Variants in PKHD1 observed in about 807,000 individuals in gnomAD.
PKHD1 encodes the protein fibrocystin.
In PKHD1, 291 loss-of-function variants were observed where a neutral mutation model predicts 412.0. The observed-to-expected ratio is 0.71, with a 90% CI of 0.64 to 0.78. PKHD1 has a LOEUF of 0.78. Among genes scored for constraint, PKHD1 ranks in the 30% least tolerant of loss-of-function variants. The probability of loss-of-function intolerance (pLI) is 0.00; values close to 1 mark genes in which losing one functional copy is unlikely to be tolerated. For missense variants in PKHD1, 4,825 were observed against 4,950.7 expected (o/e 0.97, Z 0.76); for synonymous variants, 1,777 against 1,821.5 (o/e 0.98, Z 0.62).
chr6:51,720,783 GTGTATA>G (rs777922433), intron 60 of PKHD1: 298 of 122,524 alleles, frequency 2.4e-3, no homozygotes, highest in East Asian at 7.5e-3. Flanking sequence ...GTGTGTGTGT[GTGTATA>G]TATATACAAT....
chr6:51,841,308 G>A (rs993143247), intron 50 of PKHD1, among the ~76,000 whole-genome samples: 5 of 152,188 alleles, frequency 3.3e-5, no homozygotes, highest in African/African-American at 7.2e-5. Flanking sequence ...TCAGCATTGC[G>A]GAGCATTAAC....
chr6:51,906,696 G>A (rs1782154282), intron 40 of PKHD1, among the ~76,000 whole-genome samples: 1 of 152,170 alleles, frequency 6.6e-6, no homozygotes, highest in Non-Finnish European at 1.5e-5. Context: ...AGGATAACGT[G>A]AAGAGCACTG....
chr6:51,964,634 T>C (rs368363812), intron 35 of PKHD1, among the ~76,000 whole-genome samples: 1 of 152,162 alleles, frequency 6.6e-6, no homozygotes, highest in East Asian at 1.9e-4. Context: ...AAAAATATGT[T>C]TGAATGAATA....
At chr6:52,040,092 G>A (rs1804602657) in intron 27 of PKHD1, among the ~76,000 whole-genome samples, 1 of 152,060 alleles carries the variant, frequency 6.6e-6, no homozygotes, top group Non-Finnish European at 1.5e-5. Context: ...TGGTTACCAG[G>A]GATTGGGAAG....
intron 43 of PKHD1, among the ~76,000 whole-genome samples, chr6:51,898,350 A>C (rs1780515979): frequency 6.8e-6 from 1 of 148,088 alleles, no homozygotes; most frequent in Admixed American, 6.7e-5. Context: ...AGAACTCAGG[A>C]TTAAGAATCT....
chr6:51,886,003 A>G (rs1007856341), intron 44 of PKHD1, 31 bp from the exon 45 acceptor site: 7 of 1,228,786 alleles, frequency 5.7e-6, no homozygotes, highest in Non-Finnish European at 8.4e-6. Flanking sequence ...AAATTAAGCC[A>G]ATTTTTATGT....
At chr6:51,968,632 G>A (rs1793204559) in intron 35 of PKHD1, among the ~76,000 whole-genome samples, 1 of 152,158 alleles carries the variant, frequency 6.6e-6, no homozygotes, top group East Asian at 1.9e-4. Flanking sequence ...GGAGTGAACT[G>A]CTTAGGGGCC....
chr6:51,671,511 G>C (rs192306266), intron 60 of PKHD1, among the ~76,000 whole-genome samples: 22 of 152,290 alleles, frequency 1.4e-4, no homozygotes, highest in African/African-American at 5.3e-4. Flanking sequence ...CCGTAGCTTG[G>C]AGTAATTTGA....
chr6:51,953,945 G>A (rs1790745279), intron 36 of PKHD1, among the ~76,000 whole-genome samples: 1 of 151,908 alleles, frequency 6.6e-6, no homozygotes, highest in Admixed American at 6.6e-5. Context: ...CGCAATAGAA[G>A]GAAAAACACT....
At chr6:51,755,782 C>T (rs1365376107) in intron 55 of PKHD1, among the ~76,000 whole-genome samples, 2 of 152,128 alleles carry the variant, frequency 1.3e-5, no homozygotes, top group African/African-American at 2.4e-5. Context: ...CAACAGTGTC[C>T]ATGTGCAGGG....
intron 60 of PKHD1, among the ~76,000 whole-genome samples, chr6:51,681,414 C>A (rs77690738): frequency 1.3e-5 from 2 of 152,032 alleles, no homozygotes; most frequent in African/African-American, 4.8e-5. Context: ...CCTTAACTAG[C>A]AAATAAATAC....
chr6:52,071,009 T>C lies in PKHD1; in HGVS notation c.664A>G (p.Ile222Val), dbSNP rs369925690. ...TTATGTTACTTCTCTAACAGACCGATGTAGTCGCCTTCCACATGGCACTGC... is the reference window on the plus strand; with the variant it reads ...TTATGTTACTTCTCTAACAGACCGACGTAGTCGCCTTCCACATGGCACTGC... ...TLQCHVEGDY[I>V]GSQNVSFSVF... Residue 222 changes from isoleucine (I) to valine (V), a missense_variant, in exon 9 of 67, where the codon ATC becomes GTC. Coordinates refer to ENST00000371117, the MANE Select transcript of PKHD1 (RefSeq NM_138694.4). 1.0e-4 allele frequency: 163 copies of C among 1,584,314 alleles called. No homozygotes were observed. Among genetic ancestry groups the C allele is most frequent in the Non-Finnish European group, 1.2e-4 (142 of 1,153,042 alleles).
chr6:52,033,256 A>G (rs1027061358), intron 28 of PKHD1, 91 bp from the exon 29 acceptor site: 23 of 1,058,368 alleles, frequency 2.2e-5, no homozygotes, highest in Admixed American at 1.1e-4. Flanking sequence ...ATTAGTTTTA[A>G]AAGTTAATTT....
rs755396750 is a variant in PKHD1, at chr6:51,791,390, A to G, written c.8303-17T>C. ...CAGTTCTGTCTGTGGAAGAAAAAGA[A>G]ATTGCTCAGATATGTCACAAAAACA... is the stretch of plus-strand genomic sequence containing the variant. On this transcript the variant is annotated splice_polypyrimidine_tract_variant and intron_variant, in intron 52 of 66. Coordinates refer to ENST00000371117, the MANE Select transcript of PKHD1 (RefSeq NM_138694.4). 4 of 1,612,346 alleles carry G rather than the reference A, an allele frequency of 2.5e-6. No homozygotes were observed. In the South Asian group the frequency reaches 4.4e-5, roughly 18 times the overall value.
intron 60 of PKHD1, among the ~76,000 whole-genome samples, chr6:51,693,207 A>G (rs747961439): frequency 6.6e-6 from 1 of 152,234 alleles, no homozygotes; most frequent in Admixed American, 6.5e-5. Context: ...TCTGTCCTGA[A>G]TAACAGAACT....
At chr6:51,860,640 C>G (rs1774033388) in intron 48 of PKHD1, among the ~76,000 whole-genome samples, 1 of 152,278 alleles carries the variant, frequency 6.6e-6, no homozygotes, top group African/African-American at 2.4e-5. Flanking sequence ...GCTTTATGTG[C>G]AAGAAATCAG....
intron 46 of PKHD1, among the ~76,000 whole-genome samples, chr6:51,881,571 G>T (rs1442947020): frequency 1.3e-5 from 2 of 152,072 alleles, no homozygotes; most frequent in African/African-American, 2.4e-5. Context: ...AGGGAACATT[G>T]GTATGAACAC....
chr6:51,767,753 T>A (rs933052659), intron 55 of PKHD1, among the ~76,000 whole-genome samples: 4 of 152,214 alleles, frequency 2.6e-5, no homozygotes, highest in African/African-American at 9.7e-5. Flanking sequence ...TCTTTGCTAT[T>A]GTGAATAGTG....
At chr6:51,985,451 G>A (rs956799714) in intron 35 of PKHD1, among the ~76,000 whole-genome samples, 15 of 152,170 alleles carry the variant, frequency 9.9e-5, no homozygotes, top group African/African-American at 3.4e-4. Context: ...AAAGCAGGCC[G>A]AGCGCGGTGG....
Sources: gnomAD v4.1 joint callset for allele counts (sites outside exome capture counted in the v4.1 genomes callset) on GRCh38, gnomAD v4.1.1 for gene constraint, MANE v1.5 for transcripts, NCBI Gene and HGNC (gene_info 2026-07-23, HGNC 2026-07-21) for gene names.